BRCA2: variants seen among roughly 807,000 people sequenced by gnomAD.
BRCA2 encodes the protein BRCA2 DNA repair associated.
Under a neutral mutation model 276.7 loss-of-function variants are expected in BRCA2, and 203 were observed. That is an observed-to-expected ratio of 0.73 (90% CI 0.65 to 0.82). The LOEUF is 0.82. Among genes scored for constraint, BRCA2 ranks in the 40% least tolerant of loss-of-function variants. The pLI, the probability that BRCA2 is intolerant of heterozygous loss-of-function variation, is 0.00. For missense variants in BRCA2, 3,920 were observed against 3,915.0 expected, an observed-to-expected ratio of 1.00 and a Z score of -0.03; for synonymous variants, 1,289 against 1,338.4, an observed-to-expected ratio of 0.96 and a Z score of 0.81.
In BRCA2 at chr13:32,333,241, A is replaced by G. The variant is rs373400041; in HGVS notation, c.1763A>G (p.Asn588Ser). Residue 588 changes from asparagine (N) to serine (S), a missense_variant, in exon 10 of 27, where the codon AAT becomes AGT. Asn to Ser is a conservative substitution (Grantham distance 46, BLOSUM62 1). Coordinates refer to ENST00000380152, the MANE Select transcript of BRCA2 (RefSeq NM_000059.4). ...GLISTLKKKT[N>S]KFIYAIHDET... is the part of the protein sequence containing the mutation. ...ATATCCACTTTGAAAAAGAAAACAA[A>G]TAAGTTTATTTATGCTATACATGAT... 3.7e-6 allele frequency: 6 copies of G among 1,612,616 alleles called. No individual in the cohort carries two copies. In the Admixed American group the frequency reaches 5.0e-5, roughly 13 times the overall value.
At chr13:32,316,303 C>T (rs896277333) in intron 1 of BRCA2, 119 bp from the exon 2 acceptor site, 3 of 715,096 alleles carry the variant, frequency 4.2e-6, no homozygotes, top group Non-Finnish European at 7.6e-6. Context: ...TGTTACCGTT[C>T]CAGGAGATGG....
intron 20 of BRCA2, among the ~76,000 whole-genome samples, chr13:32,373,708 A>G (rs965377816): frequency 6.6e-6 from 1 of 152,072 alleles, no homozygotes; most frequent in African/African-American, 2.4e-5. Context: ...AGCTGCTTTC[A>G]TGGGCTGCCA....
intron 11 of BRCA2, among the ~76,000 whole-genome samples, chr13:32,343,762 T>TA (rs1218544399): frequency 1.3e-5 from 2 of 152,138 alleles, no homozygotes; most frequent in Non-Finnish European, 2.9e-5. Flanking sequence ...TGTTACTACT[T>TA]AATTTCCCTC....
At chr13:32,325,548 G>GTTTTT (rs61508122) in intron 4 of BRCA2, among the ~76,000 whole-genome samples, 1 of 136,006 alleles carries the variant, frequency 7.4e-6, no homozygotes. Context: ...TTTTTTTTTT[G>GTTTTT]TTTTTTTTTT....
rs766195792 is a variant in BRCA2, at chr13:32,332,926, C to T, written c.1448C>T (p.Ala483Val). The T allele has an allele frequency of 6.2e-7, 1 of 1,608,328 alleles. No individual in the cohort carries two copies. Among genetic ancestry groups the T allele is most frequent in the Non-Finnish European group, 8.5e-7 (1 of 1,178,740 alleles). The stretch of plus-strand genomic sequence containing the variant: ...GAATCTCATACAGACTGCATTCTTG[C>T]AGTAAAGCAGGCAATATCTGGAACT... ...HLESHTDCILAVKQAISGTSP... is the reference protein window; with the variant it reads ...HLESHTDCILVVKQAISGTSP... The change falls in exon 10 of 27, where the codon GCA becomes GTA. Residue 483 changes from alanine (A) to valine (V), a missense_variant. This residue lies in a region of BRCA2 where 3,263 missense variants were observed against 3,156.9 expected (regional missense o/e 1.03). Transcript: ENST00000380152.
chr13:32,375,192 C>T (rs775748084), intron 20 of BRCA2, among the ~76,000 whole-genome samples: 7 of 152,214 alleles, frequency 4.6e-5, no homozygotes, highest in East Asian at 3.8e-4. Flanking sequence ...TGAGGATTAC[C>T]GTTCAAGATG....
chr13:32,316,975 A>C (rs2072267243), intron 2 of BRCA2, among the ~76,000 whole-genome samples: 1 of 152,212 alleles, frequency 6.6e-6, no homozygotes, highest in Admixed American at 6.5e-5. Context: ...AGGTGGGCGG[A>C]TCACTTGAGG....
intron 24 of BRCA2, among the ~76,000 whole-genome samples, chr13:32,392,105 A>C: frequency 6.6e-6 from 1 of 152,218 alleles, no homozygotes; most frequent in Non-Finnish European, 1.5e-5. Context: ...ATTTCTTTAA[A>C]AGCAGTGTTT....
intron 2 of BRCA2, among the ~76,000 whole-genome samples, chr13:32,317,135 G>A (rs911036962): frequency 6.6e-6 from 1 of 152,148 alleles, no homozygotes; most frequent in Non-Finnish European, 1.5e-5. Context: ...GGAGGCAGAG[G>A]TTGCAGTGAG....
rs55853199 is a variant in BRCA2 at position 32,398,715 on chromosome 13, C to T, written c.10202C>T (p.Thr3401Met). 31 of 1,613,800 alleles carry T rather than the reference C, an allele frequency of 1.9e-5. No individual in the cohort carries two copies. The highest frequency in any genetic ancestry group is 4.0e-5 in the African/African-American group (3 of 74,948). The change falls in exon 27 of 27, where the codon ACG (threonine) becomes ATG (methionine). Residue 3401 changes from threonine (T) to methionine (M), a missense_variant. Around this residue, in one of 2 missense-constraint regions of BRCA2, gnomAD observed 657 missense variants for 758.2 expected, o/e 0.87. Coordinates refer to ENST00000380152, the MANE Select transcript of BRCA2 (RefSeq NM_000059.4). ...IKEQESSQAS[T>M]EECEKNKQDT... is the part of the protein sequence containing the mutation. ...GAACAGGAGAGTTCCCAGGCCAGTA[C>T]GGAAGAATGTGAGAAAAATAAGCAG...
chr13:32,390,143 G>C (rs1217288859), intron 24 of BRCA2, among the ~76,000 whole-genome samples: 1 of 152,168 alleles, frequency 6.6e-6, no homozygotes, highest in Non-Finnish European at 1.5e-5. Context: ...CCTTAAACCA[G>C]AAGTCTTTAA....
intron 13 of BRCA2, among the ~76,000 whole-genome samples, chr13:32,348,312 C>T (rs1383639346): frequency 1.3e-5 from 2 of 151,718 alleles, no homozygotes; most frequent in African/African-American, 2.4e-5. Flanking sequence ...TCTACTAGTA[C>T]TGAAGGACAT....
chr13:32,351,300 C>T (rs1327823715), intron 13 of BRCA2, among the ~76,000 whole-genome samples: 1 of 150,866 alleles, frequency 6.6e-6, no homozygotes, highest in Non-Finnish European at 1.5e-5. Context: ...CAACCCTGTA[C>T]GTGCCATCTT....
intron 15 of BRCA2, among the ~76,000 whole-genome samples, chr13:32,357,190 T>C (rs1039772300): frequency 2.6e-5 from 4 of 152,258 alleles, no homozygotes; most frequent in East Asian, 1.9e-4. Flanking sequence ...AACTGAAGCA[T>C]AGAGAGGGTT....
Position 32,340,258 on chromosome 13 carries a change from C to A in BRCA2, c.5903C>A (p.Ser1968Ter), listed in dbSNP as rs587782597. 6.2e-7 allele frequency: 1 copy of A among 1,613,944 alleles called. No homozygotes were observed. Among genetic ancestry groups the A allele is most frequent in the South Asian group, 1.1e-5 (1 of 91,040 alleles). ...TGTAGTATAGGGAAGCTTCATAAGT[C>A]AGTCTCATCTGCAAATACTTGTGGG... The part of the protein sequence containing the change: ...CKCSIGKLHK[S>*]VSSANTCGIF... Residue 1968 changes from serine (S) to a stop codon, truncating the protein, a stop_gained, in exon 11 of 27, where the codon TCA becomes TAA. Transcript: ENST00000380152. LOFTEE classifies it high-confidence loss of function.
In BRCA2 at chr13:32,363,204, A is replaced by G. The variant is rs276174900; in HGVS notation, c.8002A>G (p.Arg2668Gly). The G allele has an allele frequency of 6.2e-6, 10 of 1,613,846 alleles. No individual in the cohort carries two copies. The South Asian group carries it at 9.9e-5, about 16-fold the overall frequency. ...YRYDTEIDRSRRSAIKKIMER... is the reference protein window; with the variant it reads ...YRYDTEIDRSGRSAIKKIMER... Reference sequence around the variant, plus strand: ...ATATGATACGGAAATTGATAGAAGCAGAAGATCGGCTATAAAAAAGATAAT... The same window carrying G: ...ATATGATACGGAAATTGATAGAAGCGGAAGATCGGCTATAAAAAAGATAAT... Residue 2668 changes from arginine (R) to glycine (G), a missense_variant, in exon 18 of 27, where the codon AGA becomes GGA. Physicochemically the swap from Arg to Gly is moderately radical, Grantham distance 125. Coordinates refer to ENST00000380152, the MANE Select transcript of BRCA2 (RefSeq NM_000059.4).
intron 11 of BRCA2, among the ~76,000 whole-genome samples, chr13:32,344,356 G>A (rs952321623): frequency 2.0e-5 from 3 of 152,014 alleles, no homozygotes; most frequent in Non-Finnish European, 4.4e-5. Flanking sequence ...GTGTTTTAAA[G>A]TGGTCAAAAC....
intron 3 of BRCA2, among the ~76,000 whole-genome samples, chr13:32,322,897 G>C (rs1432756334): frequency 6.6e-6 from 1 of 152,190 alleles, no homozygotes; most frequent in Non-Finnish European, 1.5e-5. Context: ...ATACAGGTTT[G>C]TGTGTGAATA....
intron 3 of BRCA2, among the ~76,000 whole-genome samples, chr13:32,323,151 AT>A (rs200414858): frequency 0.016 from 2,131 of 135,824 alleles, 43 homozygotes; most frequent in African/African-American, 0.053. Context: ...GTTTTATTTA[AT>A]TTTTTTTTTT....
Sources: gnomAD v4.1 joint callset for allele counts (sites outside exome capture counted in the v4.1 genomes callset) on GRCh38, gnomAD v4.1.1 for gene constraint, gnomAD v4.1.1 regional missense constraint, MANE v1.5 for transcripts, NCBI Gene and HGNC (gene_info 2026-07-23, HGNC 2026-07-21) for gene names.